The following PDXK variants were observed in gnomAD, a reference collection of about 807,000 sequenced individuals.
The protein encoded by PDXK is pyridoxal kinase, also known as epididymis secretory sperm binding protein Li 1a.
In PDXK, 15 loss-of-function variants were observed where a neutral mutation model predicts 43.2. The observed-to-expected ratio is 0.35, with a 90% CI of 0.23 to 0.53. PDXK has a LOEUF of 0.53. PDXK is among the 20% of genes least tolerant of loss of function. The pLI is 0.92. For missense variants in PDXK, 343 were observed against 417.0 expected (o/e 0.82, Z 1.54); for synonymous variants, 172 against 165.4 (o/e 1.04, Z -0.31).
At chr21:43,741,591 G>A (rs745661088) in intron 2 of PDXK, 76 bp from the exon 3 acceptor site, 47 of 1,581,210 alleles carry the variant, frequency 3.0e-5, no homozygotes, top group Non-Finnish European at 3.1e-5. Flanking sequence ...AGGGAGAGTG[G>A]GCGGGTGTCA....
At chr21:43,750,471 C>T (rs754473796) in intron 6 of PDXK, 29 bp from the exon 7 acceptor site, 10 of 1,597,512 alleles carry the variant, frequency 6.3e-6, no homozygotes, top group Non-Finnish European at 8.5e-6. Flanking sequence ...TCACCTGTCC[C>T]CACCCGCCTG....
intron 7 of PDXK, among the ~76,000 whole-genome samples, chr21:43,750,845 T>C (rs1487978383): frequency 2.0e-5 from 3 of 150,172 alleles, no homozygotes; most frequent in African/African-American, 7.3e-5. Flanking sequence ...CACGTGTGTG[T>C]GTGCACATGT....
chr21:43,728,548 C>CGGA (rs1366113628), intron 1 of PDXK, among the ~76,000 whole-genome samples: 8 of 152,250 alleles, frequency 5.3e-5, no homozygotes, highest in South Asian at 4.1e-4. Flanking sequence ...CCTGCCTCCC[C>CGGA]GGAGGAGGAG....
intron 3 of PDXK, 120 bp downstream of exon 3, chr21:43,741,891 G>T: frequency 1.4e-6 from 1 of 694,798 alleles, no homozygotes; most frequent in South Asian, 1.5e-5. Context: ...CCTTCAAGGA[G>T]GGCCTTGGCG....
intron 7 of PDXK, among the ~76,000 whole-genome samples, chr21:43,750,977 T>C (rs866028253): frequency 6.7e-5 from 10 of 150,304 alleles, no homozygotes; most frequent in African/African-American, 2.3e-4. Context: ...TGTGTGTGTG[T>C]GTGCACATGT....
In PDXK at chr21:43,719,328, A is replaced by T; in HGVS notation, c.34A>T (p.Ser12Cys). 1 of 1,523,094 alleles carries T rather than the reference A, an allele frequency of 6.6e-7. No homozygotes were observed. Among genetic ancestry groups the T allele is most frequent in the Non-Finnish European group, 8.8e-7 (1 of 1,136,686 alleles). 94.3% of individuals were successfully genotyped at this position (1,523,094 alleles called of 1,614,324 possible). The change falls in exon 1 of 11, where the codon AGC becomes TGC. Residue 12 changes from serine (S) to cysteine (C), a missense_variant. By Grantham distance (112) the Ser-to-Cys change is moderately radical. Transcript: ENST00000291565. Reference sequence around the variant, plus strand: ...GGAGTGCCGGGTGCTCTCCATACAGAGCCACGTCATCCGCGGCTACGTGGG... The same window carrying T: ...GGAGTGCCGGGTGCTCTCCATACAGTGCCACGTCATCCGCGGCTACGTGGG... Reference protein sequence around the residue: ...EEECRVLSIQSHVIRGYVGNR... With the variant: ...EEECRVLSIQCHVIRGYVGNR...
chr21:43,719,877 A>G, intron 1 of PDXK: 1 of 985,442 alleles, frequency 1.0e-6, no homozygotes, highest in Non-Finnish European at 1.2e-6. Context: ...GAAGTCAGGA[A>G]GAAGACGCCG....
Position 43,732,784 on chromosome 21 carries a change from G to T in PDXK, c.88-1285G>T. The T allele has an allele frequency of 1.7e-6, 1 of 599,814 alleles. No individual in the cohort carries two copies. Among genetic ancestry groups the T allele is most frequent in the Non-Finnish European group, 2.9e-6 (1 of 341,196 alleles). The allele number at this position is 599,814 out of a possible 1,614,324, so 37.2% of individuals were successfully genotyped here. A position where few individuals can be genotyped will look rare whatever the true frequency, so the allele number is the denominator to read the frequency against. On this transcript the variant is annotated intron_variant, in intron 1 of 10. Transcript: ENST00000291565. This position sits in a 1 kb window ranked among gnomAD's most constrained non-coding sequence, Gnocchi z 4.1. ...GTTTTTTGAGACATATTCTCACTCCGTCACCCAGGCTAGAGTGCAGTGGTG... is the reference window on the plus strand; with the variant it reads ...GTTTTTTGAGACATATTCTCACTCCTTCACCCAGGCTAGAGTGCAGTGGTG...
chr21:43,739,251 G>A (rs1055370201), intron 2 of PDXK, among the ~76,000 whole-genome samples: 25 of 152,126 alleles, frequency 1.6e-4, no homozygotes, highest in Non-Finnish European at 2.2e-4. Context: ...TCGAACTCCC[G>A]ACCTCAGGTG....
chr21:43,730,942 G>A (rs1407427178), intron 1 of PDXK, among the ~76,000 whole-genome samples: 13 of 152,194 alleles, frequency 8.5e-5, no homozygotes, highest in Non-Finnish European at 1.9e-4. Context: ...GTGATAGAGT[G>A]AGACCCTGTC....
intron 2 of PDXK, 39 bp from the exon 3 acceptor site, chr21:43,741,628 C>G (rs750235551): frequency 4.8e-5 from 76 of 1,599,790 alleles, no homozygotes; most frequent in African/African-American, 6.7e-5. Flanking sequence ...CCAGCTGGCC[C>G]CCTTGTGTCT....
chr21:43,731,281 C>T (rs1444589696), intron 1 of PDXK, among the ~76,000 whole-genome samples: 2 of 152,166 alleles, frequency 1.3e-5, no homozygotes, highest in Non-Finnish European at 2.9e-5. Flanking sequence ...TTCCTTCTGC[C>T]CTTCAGCCTG....
At position 43,740,214 on chromosome 21, in the gene PDXK, G is replaced by A. The variant is rs1468076213; in HGVS notation, c.143-1453G>A. On this transcript the variant is annotated intron_variant, in intron 2 of 10. Transcript: ENST00000291565. Reference sequence around the variant, plus strand: ...TGCGCCACACGTCCTCCCGTGCGACGGCTGCTGGGGAAAGCCAAAGGCGTC... The same window carrying A: ...TGCGCCACACGTCCTCCCGTGCGACAGCTGCTGGGGAAAGCCAAAGGCGTC... 3.9e-5 allele frequency among the ~76,000 whole-genome samples: 6 copies of A among 152,088 alleles called. No homozygotes were observed. In the East Asian group the frequency reaches 7.7e-4, roughly 20 times the overall value.
rs1043708024 is a variant in PDXK at position 43,754,736 on chromosome 21, C to T, written c.760-962C>T. 2.6e-5 allele frequency among the ~76,000 whole-genome samples: 4 copies of T among 152,010 alleles called. No individual in the cohort carries two copies. Among genetic ancestry groups the T allele is most frequent in the Admixed American group, 6.5e-5 (1 of 15,278 alleles). ...AGGACACCTCTGTCACTATTGGGTG[C>T]GCTGGGGAAGGAAGAGTTCAGAGGT... is the stretch of plus-strand genomic sequence containing the variant. On this transcript the variant is annotated intron_variant, in intron 9 of 10. Transcript: ENST00000291565. The surrounding 1 kb of genome is among the most constrained non-coding windows in gnomAD (Gnocchi z 5.5).
intron 1 of PDXK, chr21:43,733,519 TG>T: frequency 3.2e-6 from 1 of 312,246 alleles, no homozygotes; most frequent in Non-Finnish European, 4.7e-6. Flanking sequence ...TCCATCTGTC[TG>T]GAACCCTCAC....
In PDXK at chr21:43,757,627, C is replaced by G. The variant is rs2083872617; in HGVS notation, c.*1564C>G. The G allele has an allele frequency of 1.3e-5, 2 of 152,128 alleles. No homozygotes were observed. The allele number at this position is 152,128 out of a possible 1,614,324, so 9.4% of individuals were successfully genotyped here. A position where few individuals can be genotyped will look rare whatever the true frequency, so the allele number is the denominator to read the frequency against. On this transcript the variant is annotated 3_prime_UTR_variant, in exon 11 of 11. Transcript: ENST00000291565. Reference sequence around the variant, plus strand: ...TGGAACCCCCACCCCCTCCCCCACTCTCCCACTCTGTTCGTTCTGAATGTC... The same window carrying G: ...TGGAACCCCCACCCCCTCCCCCACTGTCCCACTCTGTTCGTTCTGAATGTC...
chr21:43,733,623 A>C, intron 1 of PDXK: 1 of 1,039,548 alleles, frequency 9.6e-7, no homozygotes, highest in Non-Finnish European at 1.2e-6. Flanking sequence ...CCTTGGCCTG[A>C]CTTCTTCCAA....
chr21:43,733,828 G>A (rs1241549892), intron 1 of PDXK: 3 of 686,016 alleles, frequency 4.4e-6, no homozygotes, highest in East Asian at 5.7e-5. Flanking sequence ...GCCCTCCCGG[G>A]CTGGTTGCTC....
At position 43,726,270 on chromosome 21, in the gene PDXK, CTT is replaced by C. The variant is rs1182376121; in HGVS notation, c.87+6908_87+6909del. Among the ~76,000 whole-genome samples, 9 of 116,822 alleles carry C rather than the reference CTT, an allele frequency of 7.7e-5. No individual in the cohort carries two copies. In the East Asian group the frequency reaches 1.8e-3, roughly 23 times the overall value. The allele number at this position is 116,822 out of a possible 152,430, so 76.6% of individuals were successfully genotyped here. A position where few individuals can be genotyped will look rare whatever the true frequency, so the allele number is the denominator to read the frequency against. On this transcript the variant is annotated intron_variant, in intron 1 of 10. Coordinates refer to ENST00000291565, the MANE Select transcript of PDXK (RefSeq NM_003681.5). ...GTCCCGTTTTCCATTTTTTCTTTTT[CTT>C]TTTTTTTTTTTTTTTTTTGAGACGG...
Sources: gnomAD v4.1 joint callset for allele counts (sites outside exome capture counted in the v4.1 genomes callset) on GRCh38, gnomAD v4.1.1 for gene constraint, Gnocchi (gnomAD v3.1) non-coding constraint, MANE v1.5 for transcripts, NCBI Gene and HGNC (gene_info 2026-07-23, HGNC 2026-07-21) for gene names.